Variants in FBLN1 observed in about 807,000 individuals in gnomAD.
The protein encoded by FBLN1 is fibulin 1.
FBLN1 carries 34 observed loss-of-function variants against 89.7 expected under a neutral mutation model. The ratio of observed to expected loss-of-function variants is 0.38; its 90% CI spans 0.29 to 0.50. The LOEUF (loss-of-function observed/expected upper bound fraction) is 0.50, where lower values mean the gene tolerates loss of function less well. FBLN1 is among the 20% of genes least tolerant of loss of function. The pLI, the probability that FBLN1 is intolerant of heterozygous loss-of-function variation, is 0.92. For synonymous variants in FBLN1, 393 were observed against 391.3 expected, an observed-to-expected ratio of 1.00 and a Z score of -0.05; for missense variants, 777 against 988.1, an observed-to-expected ratio of 0.79 and a Z score of 2.86.
At chr22:45,582,914 C>T (rs1454722108) in intron 16 of FBLN1, among the ~76,000 whole-genome samples, 1 of 152,150 alleles carries the variant, frequency 6.6e-6, no homozygotes, top group African/African-American at 2.4e-5. Context: ...GTATCAAGAC[C>T]AGACCTTGTG....
Position 45,525,625 on chromosome 22 carries a change from C to T in FBLN1, c.268C>T (p.Arg90Cys), listed in dbSNP as rs886044038. ...TGISLANEQDRCATPHGDNAS... is the reference protein window; with the variant it reads ...TGISLANEQDCCATPHGDNAS... ...CATCAGCCTGGCCAACGAGCAGGAC[C>T]GCTGTGCCACGCCCCACGGTGACAA... Residue 90 changes from arginine to cysteine, a missense_variant, in exon 3 of 17, where the codon CGC becomes TGC. Coordinates refer to ENST00000327858, the MANE Select transcript of FBLN1 (RefSeq NM_006486.3). The T allele has an allele frequency of 2.0e-5, 31 of 1,551,056 alleles. No homozygotes were observed. Among genetic ancestry groups the T allele is most frequent in the East Asian group, 4.9e-5 (2 of 40,936 alleles).
In FBLN1 at chr22:45,571,036, G is replaced by T. The variant is rs192934984; in HGVS notation, c.1698-3475G>T. Among the ~76,000 whole-genome samples the T allele has an allele frequency of 2.3e-3, 330 of 141,444 alleles. 4 individuals carry two copies. Among genetic ancestry groups the T allele is most frequent in the Non-Finnish European group, 1.0e-3 (67 of 66,824 alleles). The allele number at this position is 141,444 out of a possible 152,430, so 92.8% of individuals were successfully genotyped here. A position where few individuals can be genotyped will look rare whatever the true frequency, so the allele number is the denominator to read the frequency against. ...CTCAGGAGGCTGAGGCAGGAGAATC[G>T]CTTAAACTTGGGAGGCGGAGGTTGC... On this transcript the variant is annotated intron_variant, in intron 14 of 16. Coordinates refer to ENST00000327858, the MANE Select transcript of FBLN1 (RefSeq NM_006486.3).
At chr22:45,511,720 A>G (rs1262188525) in intron 1 of FBLN1, among the ~76,000 whole-genome samples, 2 of 151,986 alleles carry the variant, frequency 1.3e-5, no homozygotes, top group East Asian at 3.9e-4. Context: ...AAGTGCTGAG[A>G]TTACACCCAT....
chr22:45,541,827 G>C (rs1185461951), intron 9 of FBLN1, among the ~76,000 whole-genome samples: 2 of 152,218 alleles, frequency 1.3e-5, no homozygotes, highest in Non-Finnish European at 2.9e-5. Flanking sequence ...TTTGGATCCA[G>C]GGCACCCAGC....
chr22:45,529,522 C>T (rs769227705), intron 4 of FBLN1, among the ~76,000 whole-genome samples: 12 of 152,276 alleles, frequency 7.9e-5, no homozygotes, highest in African/African-American at 2.6e-4. Flanking sequence ...GTGTAGTTTT[C>T]GGCCTGTTCC....
chr22:45,599,443 G>T (rs1045598524), intron 16 of FBLN1, among the ~76,000 whole-genome samples: 1 of 152,194 alleles, frequency 6.6e-6, no homozygotes, highest in African/African-American at 2.4e-5. Flanking sequence ...GGAGAACTGG[G>T]GGTGCTCTGC....
At chr22:45,543,654 A>G (rs2088588555) in intron 11 of FBLN1, 128 bp downstream of exon 11, 1 of 1,265,244 alleles carries the variant, frequency 7.9e-7, no homozygotes, top group Non-Finnish European at 1.1e-6. Context: ...TAGCAGGGGA[A>G]GTGCCTGTAA....
rs143377110 is a variant in FBLN1, at chr22:45,577,061, G to T, written c.1925G>T (p.Arg642Leu). 1.3e-3 allele frequency: 2,166 copies of T among 1,614,118 alleles called. 14 individuals carry two copies. The Middle Eastern group carries it at 0.018, about 14-fold the overall frequency. ...IIFDITEGNL[R>L]DSFDIIKRYM... Reference sequence around the variant, plus strand: ...TTCGACATCACGGAAGGGAACCTGCGGGACTCTTTTGACATCATCAAGCGT... The same window carrying T: ...TTCGACATCACGGAAGGGAACCTGCTGGACTCTTTTGACATCATCAAGCGT... The change falls in exon 16 of 17, where the codon CGG becomes CTG. Residue 642 changes from arginine (R) to leucine (L), a missense_variant. Coordinates refer to ENST00000327858, the MANE Select transcript of FBLN1 (RefSeq NM_006486.3). The surrounding 1 kb of genome is among the most constrained non-coding windows in gnomAD (Gnocchi z 6.6).
chr22:45,560,628 TGTA>T (rs2088839857), intron 14 of FBLN1, among the ~76,000 whole-genome samples: 1 of 152,206 alleles, frequency 6.6e-6, no homozygotes, highest in African/African-American at 2.4e-5. Context: ...GGCCTAAATC[TGTA>T]AATTCAGCCT....
intron 1 of FBLN1, among the ~76,000 whole-genome samples, chr22:45,504,889 T>G (rs1256727444): frequency 6.6e-6 from 1 of 152,210 alleles, no homozygotes; most frequent in Non-Finnish European, 1.5e-5. Context: ...GAAGTCTCTT[T>G]GAGTTTCAAC....
At chr22:45,573,368 G>T (rs1055055931) in intron 14 of FBLN1, among the ~76,000 whole-genome samples, 3 of 151,236 alleles carry the variant, frequency 2.0e-5, no homozygotes, top group African/African-American at 7.3e-5. Flanking sequence ...ACACTGATGT[G>T]AGAAAACTAT....
At chr22:45,548,591 G>A in intron 12 of FBLN1, 22 bp from the exon 13 acceptor site, 1 of 1,613,356 alleles carries the variant, frequency 6.2e-7, no homozygotes, top group Non-Finnish European at 8.5e-7. Context: ...CACTGAGGCT[G>A]AGGTGGGCTT....
At position 45,562,755 on chromosome 22, in the gene FBLN1, G is replaced by A. The variant is rs73442975; in HGVS notation, c.1698-11756G>A. ...AGCCTGGAGGTCCACGGCGCCTCCC[G>A]CAGGTGAGTGAGGTGTGCCCTTCGT... On this transcript the variant is annotated intron_variant, in intron 14 of 16. Coordinates refer to ENST00000327858, the MANE Select transcript of FBLN1 (RefSeq NM_006486.3). This position sits in a 1 kb window ranked among gnomAD's most constrained non-coding sequence, Gnocchi z 7.8. Among the ~76,000 whole-genome samples the A allele has an allele frequency of 7.2e-4, 110 of 152,352 alleles. No homozygotes were observed. Among genetic ancestry groups the A allele is most frequent in the African/African-American group, 2.5e-3 (105 of 41,586 alleles).
chr22:45,504,161 G>A (rs1455422284), intron 1 of FBLN1, among the ~76,000 whole-genome samples: 3 of 151,150 alleles, frequency 2.0e-5, no homozygotes, highest in African/African-American at 7.3e-5. Context: ...TAGTCAAAAG[G>A]TCGCTTGTCC....
rs780088986 is a variant in FBLN1, at chr22:45,531,369, C to G, written c.544+45C>G. On this transcript the variant is annotated intron_variant, in intron 5 of 16. Transcript: ENST00000327858. The surrounding 1 kb of genome is among the most constrained non-coding windows in gnomAD (Gnocchi z 4.9). ...CATCAGTTGGTATTTAAACAAACCC[C>G]AAGGGGCCAGCAAGGTGGCTCAGGC... The G allele has an allele frequency of 3.2e-6, 5 of 1,566,900 alleles. No homozygotes were observed. Among genetic ancestry groups the G allele is most frequent in the African/African-American group, 2.7e-5 (2 of 73,796 alleles).
At chr22:45,506,077 G>C (rs1237400565) in intron 1 of FBLN1, among the ~76,000 whole-genome samples, 1 of 152,160 alleles carries the variant, frequency 6.6e-6, no homozygotes, top group Non-Finnish European at 1.5e-5. Context: ...TGGCAGCCCT[G>C]TTATTAATGT....
At position 45,600,183 on chromosome 22, in the gene FBLN1, A is replaced by T. The variant is rs969032364; in HGVS notation, c.1973-124A>T. On this transcript the variant is annotated intron_variant, in intron 16 of 16. Transcript: ENST00000327858. ...AGGGGACTCGAGCATCTGGCGTAGG[A>T]TGGGACTCCATGAGGTCTATGCCTC... 5 of 1,139,790 alleles carry T rather than the reference A, an allele frequency of 4.4e-6. No homozygotes were observed. In the Admixed American group the frequency reaches 6.8e-5, roughly 15 times the overall value. 70.6% of individuals were successfully genotyped at this position (1,139,790 alleles called of 1,614,324 possible).
intron 2 of FBLN1, among the ~76,000 whole-genome samples, chr22:45,523,829 A>G (rs1328903980): frequency 3.3e-5 from 5 of 152,278 alleles, no homozygotes; most frequent in Middle Eastern, 3.4e-3. Flanking sequence ...GCTGGGTCCT[A>G]TGATTATTCT....
chr22:45,573,911 T>C (rs2088971990), intron 14 of FBLN1, among the ~76,000 whole-genome samples: 1 of 152,192 alleles, frequency 6.6e-6, no homozygotes, highest in African/African-American at 2.4e-5. Context: ...TTTTATTTTA[T>C]GATCAAGAGG....
Sources: gnomAD v4.1 joint callset for allele counts (sites outside exome capture counted in the v4.1 genomes callset) on GRCh38, gnomAD v4.1.1 for gene constraint, Gnocchi (gnomAD v3.1) non-coding constraint, MANE v1.5 for transcripts, NCBI Gene and HGNC (gene_info 2026-07-23, HGNC 2026-07-21) for gene names.